The following CUBN variants were observed in gnomAD, a reference collection of about 807,000 sequenced individuals.
CUBN encodes 460 kDa receptor.
In CUBN, 282 loss-of-function variants were observed where a neutral mutation model predicts 405.3. The ratio of observed to expected loss-of-function variants is 0.70; its 90% CI spans 0.63 to 0.77. The LOEUF (loss-of-function observed/expected upper bound fraction) is 0.77. Among genes scored for constraint, CUBN ranks in the 30% least tolerant of loss-of-function variants. The pLI is 0.00. For synonymous variants in CUBN, 1,684 were observed against 1,617.0 expected (o/e 1.04, Z -0.99); for missense variants, 4,514 against 4,475.2 (o/e 1.01, Z -0.25).
At position 16,833,107 on chromosome 10, in the gene CUBN, G is replaced by A. The variant is rs555114622; in HGVS notation, c.10363-1690C>T. On this transcript the variant is annotated intron_variant, in intron 64 of 66. Coordinates refer to ENST00000377833, the MANE Select transcript of CUBN (RefSeq NM_001081.4). ...AGCATCTATCAGGCAAATGGCAAAC[G>A]TTGACTCTGATCAATAATGGTCCAT... is the stretch of plus-strand genomic sequence containing the variant. Among the ~76,000 whole-genome samples the A allele has an allele frequency of 3.9e-5, 6 of 152,268 alleles. No individual in the cohort carries two copies. In the East Asian group the frequency reaches 9.7e-4, roughly 25 times the overall value.
In CUBN at chr10:16,907,633, C is replaced by T. The variant is rs1436426880; in HGVS notation, c.7580G>A (p.Cys2527Tyr). ...RSNSPQLEKL[C>Y]SSVNVSNEIK... is the part of the protein sequence containing the mutation. Reference sequence around the variant, plus strand: ...CTCATTGCTTACATTCACACTACTACACAGTTTCTCTAGCTGGGGTGAGTT... The same window carrying T: ...CTCATTGCTTACATTCACACTACTATACAGTTTCTCTAGCTGGGGTGAGTT... Residue 2527 changes from cysteine to tyrosine, a missense_variant, in exon 49 of 67, where the codon TGT (cysteine) becomes TAT (tyrosine). This residue lies in a region of CUBN where 1,613 missense variants were observed against 1,542.8 expected (regional missense o/e 1.05). Transcript: ENST00000377833. 6.2e-7 allele frequency: 1 copy of T among 1,612,718 alleles called. No individual in the cohort carries two copies. The highest frequency in any genetic ancestry group is 8.5e-7 in the Non-Finnish European group (1 of 1,180,002).
intron 57 of CUBN, among the ~76,000 whole-genome samples, chr10:16,876,491 T>C (rs1383108687): frequency 6.6e-6 from 1 of 152,204 alleles, no homozygotes; most frequent in African/African-American, 2.4e-5. Flanking sequence ...GTAAAGACAT[T>C]CTCTTATATT....
intron 31 of CUBN, among the ~76,000 whole-genome samples, chr10:16,973,923 G>A (rs1460713017): frequency 6.6e-6 from 1 of 152,086 alleles, no homozygotes; most frequent in Non-Finnish European, 1.5e-5. Context: ...CCATGCCTTT[G>A]CTATCGTGGA....
rs1245151277 is a variant in CUBN, at chr10:16,904,019, A to G, written c.8009T>C (p.Val2670Ala). The G allele has an allele frequency of 2.5e-6, 4 of 1,613,612 alleles. No individual in the cohort carries two copies. Among genetic ancestry groups the G allele is most frequent in the Admixed American group, 1.7e-5 (1 of 59,990 alleles). Residue 2670 changes from valine to alanine, a missense_variant, in exon 51 of 67, where the codon GTC (valine) becomes GCC (alanine). Transcript: ENST00000377833. The stretch of plus-strand genomic sequence containing the variant: ...AATGTGTTCTACACGTTCGTTGGTG[A>G]CAAAGTGAATCCATACCTGAGAATA... ...IPYSQVWIHF[V>A]TNERVEHIGF...
At position 16,876,975 on chromosome 10, in the gene CUBN, C is replaced by A. The variant is rs756775921; in HGVS notation, c.9028G>T (p.Ala3010Ser). 8.7e-6 allele frequency: 14 copies of A among 1,613,990 alleles called. No individual in the cohort carries two copies. In the Admixed American group the frequency reaches 2.3e-4, roughly 27 times the overall value. ...TAGAAGTTAAGCAGAACCGGCCCAG[C>A]GATGGTGAGGGGAGCTGGCATCTCA... The part of the protein sequence containing the change: ...GDEMPAPLTI[A>S]GPVLLNFYSN... Residue 3010 changes from alanine (A) to serine (S), a missense_variant, in exon 57 of 67, where the codon GCT (alanine) becomes TCT (serine). Around this residue, in one of 5 missense-constraint regions of CUBN, gnomAD observed 1,186 missense variants for 1,186.9 expected, o/e 1.00. Transcript: ENST00000377833.
chr10:17,071,829 A>T lies in CUBN; in HGVS notation c.2444T>A (p.Val815Asp). 6.2e-7 allele frequency: 1 copy of T among 1,612,014 alleles called. No individual in the cohort carries two copies. The highest frequency in any genetic ancestry group is 8.5e-7 in the Non-Finnish European group (1 of 1,179,540). Reference protein sequence around the residue: ...EKASFRAVYQVACGDELTGEG... With the variant: ...EKASFRAVYQDACGDELTGEG... ...TTAAAAATTATATGTTTCCTTACCG[A>T]CTTGATAAACAGCTCTGAAACTAGC... The change falls in exon 18 of 67, where the codon GTC (valine) becomes GAC (aspartate). Residue 815 changes from valine to aspartate, a missense_variant and splice_region_variant. This residue lies in a region of CUBN where 1,448 missense variants were observed against 1,388.0 expected (regional missense o/e 1.04). Transcript: ENST00000377833.
intron 31 of CUBN, among the ~76,000 whole-genome samples, chr10:16,958,966 T>C (rs962464893): frequency 1.3e-5 from 2 of 152,334 alleles, no homozygotes; most frequent in East Asian, 1.9e-4. Flanking sequence ...AGGTGGTACC[T>C]TGAATGGTGC....
At chr10:16,983,088 G>A (rs967658396) in intron 30 of CUBN, among the ~76,000 whole-genome samples, 14 of 152,066 alleles carry the variant, frequency 9.2e-5, no homozygotes, top group Non-Finnish European at 1.6e-4. Flanking sequence ...TTCGGATATA[G>A]TACAGTTACT....
chr10:16,992,664 T>C (rs1237149334), intron 28 of CUBN, among the ~76,000 whole-genome samples: 1 of 152,238 alleles, frequency 6.6e-6, no homozygotes, highest in Admixed American at 6.5e-5. Flanking sequence ...CAGAGAAATC[T>C]GACTCTAGCT....
chr10:16,873,224 A>G lies in CUBN; in HGVS notation c.9236+1150T>C, dbSNP rs1373472097. 3.3e-5 allele frequency among the ~76,000 whole-genome samples: 5 copies of G among 152,170 alleles called. No homozygotes were observed. The East Asian group carries it at 9.6e-4, about 29-fold the overall frequency. On this transcript the variant is annotated intron_variant, in intron 58 of 66. Coordinates refer to ENST00000377833, the MANE Select transcript of CUBN (RefSeq NM_001081.4). ...GTTTCCCACCACATGCCATACGTAT[A>G]TCACTGAAATAGGCTGTCAGGTGAA...
chr10:16,880,809 C>G (rs1271580211), intron 56 of CUBN, among the ~76,000 whole-genome samples: 1 of 152,148 alleles, frequency 6.6e-6, no homozygotes, highest in African/African-American at 2.4e-5. Context: ...AAATTAACCT[C>G]AAAGAATTCC....
intron 25 of CUBN, among the ~76,000 whole-genome samples, chr10:17,044,451 A>G (rs1835079302): frequency 6.6e-6 from 1 of 152,066 alleles, no homozygotes; most frequent in African/African-American, 2.4e-5. Flanking sequence ...AGCAGTAATA[A>G]GCGTGTGAGC....
intron 66 of CUBN, among the ~76,000 whole-genome samples, chr10:16,825,759 G>T (rs2131294608): frequency 6.6e-6 from 1 of 151,290 alleles, no homozygotes; most frequent in African/African-American, 2.4e-5. Context: ...CACGCTGCAG[G>T]TATTAAGACA....
chr10:17,106,153 C>T (rs1294808840), intron 10 of CUBN, among the ~76,000 whole-genome samples: 1 of 151,794 alleles, frequency 6.6e-6, no homozygotes, highest in African/African-American at 2.4e-5. Context: ...GGCATGGTGG[C>T]ACACGCCTGT....
intron 43 of CUBN, among the ~76,000 whole-genome samples, chr10:16,924,027 T>C (rs1233222992): frequency 5.9e-5 from 9 of 152,128 alleles, no homozygotes; most frequent in Admixed American, 5.2e-4. Flanking sequence ...GCTGAGATCA[T>C]GCCGCTGTAC....
At chr10:16,935,075 C>T (rs887145559) in intron 39 of CUBN, among the ~76,000 whole-genome samples, 1 of 152,196 alleles carries the variant, frequency 6.6e-6, no homozygotes, top group Admixed American at 6.5e-5. Flanking sequence ...TTACCATTTG[C>T]TTTGTCATGT....
intron 56 of CUBN, 107 bp downstream of exon 56, chr10:16,888,310 A>G: frequency 1.1e-6 from 1 of 891,356 alleles, no homozygotes; most frequent in Admixed American, 2.0e-5. Flanking sequence ...AATTAACTGG[A>G]TTTAGCCACT....
intron 59 of CUBN, among the ~76,000 whole-genome samples, chr10:16,856,556 G>A (rs1839874114): frequency 6.6e-6 from 1 of 152,064 alleles, no homozygotes; most frequent in Non-Finnish European, 1.5e-5. Context: ...TCTGATAAGG[G>A]AAAAAATAGT....
chr10:16,924,730 C>T (rs565073184), intron 43 of CUBN, among the ~76,000 whole-genome samples: 98 of 151,856 alleles, frequency 6.5e-4, no homozygotes, highest in African/African-American at 2.3e-3. Flanking sequence ...GAATTAAATG[C>T]AATTATAATC....
Sources: gnomAD v4.1 joint callset for allele counts (sites outside exome capture counted in the v4.1 genomes callset) on GRCh38, gnomAD v4.1.1 for gene constraint, gnomAD v4.1.1 regional missense constraint, MANE v1.5 for transcripts, NCBI Gene and HGNC (gene_info 2026-07-23, HGNC 2026-07-21) for gene names.